The following SLC24A2 variants were observed in gnomAD, a reference collection of about 807,000 sequenced individuals.
SLC24A2 encodes the protein sodium/potassium/calcium exchanger 2.
SLC24A2 carries 36 observed loss-of-function variants against 62.0 expected under a neutral mutation model. The ratio of observed to expected loss-of-function variants is 0.58; its 90% CI spans 0.44 to 0.77. The LOEUF is 0.77. Among genes scored for constraint, SLC24A2 ranks in the 30% least tolerant of loss-of-function variants. SLC24A2 has a pLI of 0.00. For missense variants in SLC24A2, 846 were observed against 817.9 expected (o/e 1.03, Z -0.42); for synonymous variants, 358 against 294.0 (o/e 1.22, Z -2.23).
At chr9:19,923,934 G>A in the SLC24A2 span, among the ~76,000 whole-genome samples, 1 of 152,112 alleles carries the variant, frequency 6.6e-6, no homozygotes, top group Non-Finnish European at 1.5e-5. Context: ...TTTTAGTAGA[G>A]ACAGGGTTTC....
At chr9:20,223,720 G>C in the SLC24A2 span, among the ~76,000 whole-genome samples, 1 of 152,080 alleles carries the variant, frequency 6.6e-6, no homozygotes, top group African/African-American at 2.4e-5. Flanking sequence ...CTTACAAATT[G>C]GTAAGGATAA....
chr9:20,184,710 A>G, the SLC24A2 span, among the ~76,000 whole-genome samples: 3 of 152,320 alleles, frequency 2.0e-5, no homozygotes, highest in East Asian at 5.8e-4. Context: ...CAAAAAATCA[A>G]AAATAGAACT....
the SLC24A2 span, among the ~76,000 whole-genome samples, chr9:19,857,845 T>G: frequency 5.9e-5 from 9 of 152,108 alleles, no homozygotes; most frequent in Non-Finnish European, 8.8e-5. Flanking sequence ...ATTTCGTCCT[T>G]TGCAGTCTGG....
chr9:20,155,046 A>C, the SLC24A2 span, among the ~76,000 whole-genome samples: 1 of 151,488 alleles, frequency 6.6e-6, no homozygotes, highest in Non-Finnish European at 1.5e-5. Context: ...CCATTGGGTC[A>C]AACGGCCATC....
At chr9:19,921,512 T>C in the SLC24A2 span, among the ~76,000 whole-genome samples, 3 of 88,180 alleles carry the variant, frequency 3.4e-5, no homozygotes, top group African/African-American at 1.3e-4. Flanking sequence ...AGAGCGAGAC[T>C]CCGTGTAAAA....
At chr9:19,658,506 TA>T (rs1819005114) in intron 2 of SLC24A2, among the ~76,000 whole-genome samples, 1 of 152,162 alleles carries the variant, frequency 6.6e-6, no homozygotes, top group Admixed American at 6.5e-5. Context: ...AGCACCAAGT[TA>T]AAAAGCCTAT....
chr9:20,128,915 G>A, the SLC24A2 span, among the ~76,000 whole-genome samples: 1 of 152,034 alleles, frequency 6.6e-6, no homozygotes, highest in Non-Finnish European at 1.5e-5. Context: ...CCAAGAGCAT[G>A]AGCAACAAAA....
the SLC24A2 span, among the ~76,000 whole-genome samples, chr9:19,941,092 T>C: frequency 6.6e-6 from 1 of 152,170 alleles, no homozygotes; most frequent in African/African-American, 2.4e-5. Flanking sequence ...TGATGTACAC[T>C]GGCTGAGAGG....
Position 19,508,451 on chromosome 9 carries a change from G to A in SLC24A2, c.*7702C>T, listed in dbSNP as rs1219494560. ...TGGACAATTTAGGTACCCAGTTCTGGTGGATTTCTAGACTATTAAGTGCTT... is the reference window on the plus strand; with the variant it reads ...TGGACAATTTAGGTACCCAGTTCTGATGGATTTCTAGACTATTAAGTGCTT... On this transcript the variant is annotated 3_prime_UTR_variant, in exon 11 of 11. Transcript: ENST00000341998. 2 of 152,148 alleles carry A rather than the reference G, an allele frequency of 1.3e-5. No individual in the cohort carries two copies. The highest frequency in any genetic ancestry group is 4.8e-5 in the African/African-American group (2 of 41,422). The allele number at this position is 152,148 out of a possible 1,614,324, so 9.4% of individuals were successfully genotyped here.
chr9:19,806,069 A>G, the SLC24A2 span, among the ~76,000 whole-genome samples: 1 of 152,194 alleles, frequency 6.6e-6, no homozygotes, highest in South Asian at 2.1e-4. Context: ...TAGGCATAAT[A>G]TTAATCAAGT....
the SLC24A2 span, among the ~76,000 whole-genome samples, chr9:20,278,427 T>C: frequency 3.3e-5 from 5 of 152,264 alleles, no homozygotes; most frequent in African/African-American, 9.6e-5. Context: ...CTTTGCTTCT[T>C]AGAAATTTCT....
At chr9:19,732,158 A>G (rs374034917) in intron 2 of SLC24A2, among the ~76,000 whole-genome samples, 1 of 152,186 alleles carries the variant, frequency 6.6e-6, no homozygotes. Context: ...GAACTGCAAA[A>G]GGGCAGGTGC....
At chr9:20,081,581 T>C in the SLC24A2 span, among the ~76,000 whole-genome samples, 1 of 151,988 alleles carries the variant, frequency 6.6e-6, no homozygotes, top group African/African-American at 2.4e-5. Flanking sequence ...TATACATATG[T>C]AACAAACCTG....
the SLC24A2 span, among the ~76,000 whole-genome samples, chr9:19,794,652 A>G: frequency 4.6e-5 from 7 of 151,080 alleles, no homozygotes; most frequent in Non-Finnish European, 8.8e-5. Flanking sequence ...GGGTCTGTCC[A>G]TTTCATCAAG....
At chr9:20,296,376 G>C in the SLC24A2 span, among the ~76,000 whole-genome samples, 2 of 152,138 alleles carry the variant, frequency 1.3e-5, no homozygotes, top group African/African-American at 4.8e-5. Flanking sequence ...ATCATTTCTA[G>C]TACTGGTGAT....
the SLC24A2 span, among the ~76,000 whole-genome samples, chr9:19,817,911 T>C: frequency 6.6e-6 from 1 of 151,980 alleles, no homozygotes; most frequent in African/African-American, 2.4e-5. Flanking sequence ...TTTTAAAATC[T>C]TTTATAGGGA....
At chr9:19,520,864 GCA>G in intron 10 of SLC24A2, 28 bp downstream of exon 10, 2 of 1,609,286 alleles carry the variant, frequency 1.2e-6, no homozygotes, top group Non-Finnish European at 1.7e-6. Flanking sequence ...TGGAGCTGGT[GCA>G]CACCTTTGTA....
chr9:20,241,506 A>G, the SLC24A2 span, among the ~76,000 whole-genome samples: 2 of 152,190 alleles, frequency 1.3e-5, no homozygotes, highest in Admixed American at 1.3e-4. Context: ...AGACTATGAG[A>G]GTATTACTTA....
chr9:20,161,665 T>C, the SLC24A2 span, among the ~76,000 whole-genome samples: 1 of 151,190 alleles, frequency 6.6e-6, no homozygotes, highest in African/African-American at 2.4e-5. Context: ...TTGACACCCA[T>C]TCCTAAAAAA....
Sources: gnomAD v4.1 joint callset for allele counts (sites outside exome capture counted in the v4.1 genomes callset) on GRCh38, gnomAD v4.1.1 for gene constraint, MANE v1.5 for transcripts, NCBI Gene and HGNC (gene_info 2026-07-23, HGNC 2026-07-21) for gene names.